Variants in CHRD observed in about 807,000 individuals in gnomAD.
CHRD encodes the protein chordin.
A neutral mutation model predicts 113.7 loss-of-function variants in CHRD; 69 were observed. That is an observed-to-expected ratio of 0.61 (90% CI 0.50 to 0.74). CHRD has a LOEUF of 0.74. CHRD is among the 30% of genes least tolerant of loss of function. The pLI is 0.00. For synonymous variants in CHRD, 561 were observed against 540.8 expected, an observed-to-expected ratio of 1.04 and a Z score of -0.52; for missense variants, 1,194 against 1,295.8, an observed-to-expected ratio of 0.92 and a Z score of 1.21.
chr3:184,382,894 CA>C lies in CHRD; in HGVS notation c.1022del (p.Gln341ArgfsTer26). 2 of 1,613,866 alleles carry C rather than the reference CA, an allele frequency of 1.2e-6. No homozygotes were observed. The highest frequency in any genetic ancestry group is 1.7e-6 in the Non-Finnish European group (2 of 1,179,798). Reference sequence around the variant, plus strand: ...TCCCTTGAGGCTCCAGATTCTACACCAGGGGCAGCTACTGCGAGAACTTCAG... The same window carrying C: ...TCCCTTGAGGCTCCAGATTCTACACCGGGGCAGCTACTGCGAGAACTTCAG... On this transcript the variant is annotated frameshift_variant, in exon 9 of 23. Transcript: ENST00000204604. LOFTEE classifies it high-confidence loss of function.
Position 184,380,309 on chromosome 3 carries a change from C to T in CHRD, c.-10C>T, listed in dbSNP as rs563180727. ...CTCCCTCCCTCCTCCCCAGCTGTCC[C>T]GTTCGCGTCATGCCGAGCCTCCCGG... On this transcript the variant is annotated 5_prime_UTR_variant, in exon 1 of 23. Transcript: ENST00000204604. This position sits in a 1 kb window ranked among gnomAD's most constrained non-coding sequence, Gnocchi z 6.3. The T allele has an allele frequency of 1.5e-6, 2 of 1,316,806 alleles. No individual in the cohort carries two copies. The highest frequency in any genetic ancestry group is 2.0e-6 in the Non-Finnish European group (2 of 1,021,766). The allele number at this position is 1,316,806 out of a possible 1,614,324, so 81.6% of individuals were successfully genotyped here. A position where few individuals can be genotyped will look rare whatever the true frequency, so the allele number is the denominator to read the frequency against.
exon 8 of CHRD, chr3:184,382,706 T>G: frequency 6.2e-7 from 1 of 1,613,814 alleles, no homozygotes; most frequent in Non-Finnish European, 8.5e-7. Context: ...CTGCTCACTC[T>G]CAGTGACACA....
At chr3:184,383,981 T>G (rs1317266910) in intron 12 of CHRD, among the ~76,000 whole-genome samples, 1 of 152,168 alleles carries the variant, frequency 6.6e-6, no homozygotes, top group Non-Finnish European at 1.5e-5. Flanking sequence ...TTCACCGTGT[T>G]GGCCAGGATG....
rs1017918330 is a variant in CHRD, at chr3:184,381,630, G to A, written c.511+6G>A. 1 of 1,605,040 alleles carries A rather than the reference G, an allele frequency of 6.2e-7. No individual in the cohort carries two copies. ...CCGTGGTGACGGCCACACGGGTAGG[G>A]GGCTGGCGAACAGCGGGGTTGTGGT... On this transcript the variant is annotated splice_donor_region_variant and intron_variant, in intron 4 of 22. Transcript: ENST00000204604. This position sits in a 1 kb window ranked among gnomAD's most constrained non-coding sequence, Gnocchi z 4.7.
At position 184,387,998 on chromosome 3, in the gene CHRD, G is replaced by A. The variant is rs772596758; in HGVS notation, c.2519G>A (p.Arg840His). 12 of 1,613,706 alleles carry A rather than the reference G, an allele frequency of 7.4e-6. No individual in the cohort carries two copies. In the Admixed American group the frequency reaches 8.3e-5, roughly 11 times the overall value. Reference sequence around the variant, plus strand: ...CGGCTGGCCTGTGCCCAGCCTGTGCGTGTCAACCCCACCGACTGCTGCAAA... The same window carrying A: ...CGGCTGGCCTGTGCCCAGCCTGTGCATGTCAACCCCACCGACTGCTGCAAA... The change falls in exon 20 of 23, where the codon CGT becomes CAT. Residue 840 changes from arginine (R) to histidine (H), a missense_variant. Physicochemically the swap from Arg to His is conservative, Grantham distance 29. Coordinates refer to ENST00000204604, the Ensembl canonical transcript of CHRD. This position sits in a 1 kb window ranked among gnomAD's most constrained non-coding sequence, Gnocchi z 6.1.
chr3:184,382,058 G>A, intron 6 of CHRD, 38 bp downstream of exon 6: 1 of 1,610,368 alleles, frequency 6.2e-7, no homozygotes, highest in Non-Finnish European at 8.5e-7. Context: ...GCCCAGTCTG[G>A]GCACTGTGCC....
chr3:184,382,367 C>T (rs368873292), intron 6 of CHRD, 22 bp from the exon 7 acceptor site: 11 of 1,613,996 alleles, frequency 6.8e-6, no homozygotes, highest in Non-Finnish European at 9.3e-6. Flanking sequence ...GAGCGTAGGG[C>T]CTTCTTGTCT....
Position 184,381,393 on chromosome 3 carries a change from G to A in CHRD, c.382+29G>A. ...AGTCTTGCTCCGCCCTGCGGGGAGG[G>A]AGGCAGGGCCACGATACTAGGTCCC... On this transcript the variant is annotated intron_variant, in intron 3 of 22. Transcript: ENST00000204604. This position sits in a 1 kb window ranked among gnomAD's most constrained non-coding sequence, Gnocchi z 4.7. The A allele has an allele frequency of 6.3e-7, 1 of 1,592,660 alleles. No homozygotes were observed.
chr3:184,388,243 C>CCATT lies in CHRD; in HGVS notation c.2554+213_2554+214insTCAT, dbSNP rs1186349263. 1.1e-4 allele frequency among the ~76,000 whole-genome samples: 13 copies of CCATT among 121,636 alleles called. No individual in the cohort carries two copies. The highest frequency in any genetic ancestry group is 3.6e-4 in the African/African-American group (12 of 33,000). The allele number at this position is 121,636 out of a possible 152,430, so 79.8% of individuals were successfully genotyped here. On this transcript the variant is annotated intron_variant, in intron 20 of 22. Transcript: ENST00000204604. The surrounding 1 kb of genome is among the most constrained non-coding windows in gnomAD (Gnocchi z 6.1). ...GTTCCTGCTCCATCCATCCGTCCAT[C>CCATT]CATCCATCCATCCATCCATCCATCC...
chr3:184,386,079 C>A (rs748267517), exon 15 of CHRD: 3 of 1,614,232 alleles, frequency 1.9e-6, no homozygotes, highest in African/African-American at 1.3e-5. Flanking sequence ...GGAGCCGGAA[C>A]TGCTGCGGCA....
chr3:184,383,722 C>G, intron 12 of CHRD, 80 bp downstream of exon 12: 1 of 1,296,176 alleles, frequency 7.7e-7, no homozygotes, highest in Non-Finnish European at 1.1e-6. Flanking sequence ...CAGGGATGTT[C>G]ATTATCATCC....
chr3:184,386,063 G>A (rs1345386037), exon 15 of CHRD: 1 of 1,614,206 alleles, frequency 6.2e-7, no homozygotes, highest in Admixed American at 1.7e-5. Flanking sequence ...GTGTGGTGAA[G>A]GACCTGGAGC....
rs1715934369 is a variant in CHRD, at chr3:184,384,231, G to T, written c.1441-306G>T. ...ATTAGTAAATGTAATGGCAATGGTTGCTACTTATAGGGCCTTTCCATGTGC... is the reference window on the plus strand; with the variant it reads ...ATTAGTAAATGTAATGGCAATGGTTTCTACTTATAGGGCCTTTCCATGTGC... On this transcript the variant is annotated intron_variant, in intron 12 of 22. Transcript: ENST00000204604. The surrounding 1 kb of genome is among the most constrained non-coding windows in gnomAD (Gnocchi z 4.4). 6.6e-6 allele frequency among the ~76,000 whole-genome samples: 1 copy of T among 152,222 alleles called. No homozygotes were observed. Among genetic ancestry groups the T allele is most frequent in the Admixed American group, 6.5e-5 (1 of 15,288 alleles).
chr3:184,380,855 G>A lies in CHRD; in HGVS notation c.252+60G>A. 7.6e-7 allele frequency: 1 copy of A among 1,308,224 alleles called. No individual in the cohort carries two copies. Among genetic ancestry groups the A allele is most frequent in the Non-Finnish European group, 1.0e-6 (1 of 960,126 alleles). The allele number at this position is 1,308,224 out of a possible 1,614,324, so 81.0% of individuals were successfully genotyped here. On this transcript the variant is annotated intron_variant, in intron 2 of 22. Coordinates refer to ENST00000204604, the Ensembl canonical transcript of CHRD. This position sits in a 1 kb window ranked among gnomAD's most constrained non-coding sequence, Gnocchi z 6.3. ...GGGTGGGGAGCGCCGGGTCGCGCGGGCGTCGGAGTGGACTCGGAGCTGCTG... is the reference window on the plus strand; with the variant it reads ...GGGTGGGGAGCGCCGGGTCGCGCGGACGTCGGAGTGGACTCGGAGCTGCTG...
rs759112929 is a variant in CHRD at position 184,382,888 on chromosome 3, C to A, written c.1015C>A (p.Leu339Ile). 9.9e-6 allele frequency: 16 copies of A among 1,613,700 alleles called. No homozygotes were observed. The Admixed American group carries it at 1.2e-4, about 12-fold the overall frequency. ...CCAGGTTCCCTTGAGGCTCCAGATT[C>A]TACACCAGGGGCAGCTACTGCGAGA... The change falls in exon 9 of 23, where the codon CTA becomes ATA. Residue 339 changes from leucine to isoleucine, a missense_variant. Physicochemically the swap from Leu to Ile is conservative, Grantham distance 5. Coordinates refer to ENST00000204604, the Ensembl canonical transcript of CHRD.
At position 184,383,172 on chromosome 3, in the gene CHRD, G is replaced by A; in HGVS notation, c.1213+9G>A. 1 of 1,569,810 alleles carries A rather than the reference G, an allele frequency of 6.4e-7. No homozygotes were observed. The highest frequency in any genetic ancestry group is 8.7e-7 in the Non-Finnish European group (1 of 1,155,826). On this transcript the variant is annotated intron_variant, in intron 10 of 22. Transcript: ENST00000204604. ...CAGGAAGAGCTGCGACGGTGAGGCG[G>A]GGGGGGGGCCTGGTGCGCCGGGCAT...
intron 22 of CHRD, 65 bp from the exon 23 acceptor site, chr3:184,389,302 T>C: frequency 2.0e-6 from 3 of 1,504,556 alleles, no homozygotes; most frequent in Non-Finnish European, 2.8e-6. Flanking sequence ...CCCTGCCCTC[T>C]ATGCCTCTCT....
Position 184,380,887 on chromosome 3 carries a change from A to C in CHRD, c.252+92A>C. The C allele has an allele frequency of 1.0e-6, 1 of 977,550 alleles. No homozygotes were observed. The highest frequency in any genetic ancestry group is 1.5e-6 in the Non-Finnish European group (1 of 653,642). The allele number at this position is 977,550 out of a possible 1,614,324, so 60.6% of individuals were successfully genotyped here. ...AGTGGACTCGGAGCTGCTGAGAAGGAGCCCAGTCGGCAGATGTTGGGGATA... is the reference window on the plus strand; with the variant it reads ...AGTGGACTCGGAGCTGCTGAGAAGGCGCCCAGTCGGCAGATGTTGGGGATA... On this transcript the variant is annotated intron_variant, in intron 2 of 22. Coordinates refer to ENST00000204604, the Ensembl canonical transcript of CHRD. This position sits in a 1 kb window ranked among gnomAD's most constrained non-coding sequence, Gnocchi z 6.3.
Position 184,380,417 on chromosome 3 carries a change from G to T in CHRD, c.99G>T (p.Val33=). The T allele has an allele frequency of 7.5e-7, 1 of 1,334,754 alleles. No homozygotes were observed. Among genetic ancestry groups the T allele is most frequent in the Non-Finnish European group, 9.7e-7 (1 of 1,034,504 alleles). The allele number at this position is 1,334,754 out of a possible 1,614,324, so 82.7% of individuals were successfully genotyped here. A position where few individuals can be genotyped will look rare whatever the true frequency, so the allele number is the denominator to read the frequency against. Residue 33 remains valine (V), a synonymous_variant, in exon 1 of 23, where the codon GTG becomes GTT. Transcript: ENST00000204604. The surrounding 1 kb of genome is among the most constrained non-coding windows in gnomAD (Gnocchi z 6.3). ...GCGGCGCCGGCCCAGAGCCCCCCGT[G>T]CTGCCCATCCGTTCTGAGAAGGAGC...
Sources: allele counts gnomAD v4.1 joint callset (sites outside exome capture counted in the v4.1 genomes callset), GRCh38; gene constraint gnomAD v4.1.1; non-coding constraint Gnocchi (gnomAD v3.1); transcripts MANE v1.5; gene names NCBI Gene and HGNC (gene_info 2026-07-23, HGNC 2026-07-21).